The following ADGRL2 variants were observed in gnomAD, a reference collection of about 807,000 sequenced individuals.
The protein encoded by ADGRL2 is calcium-independent alpha-latrotoxin receptor 2.
A neutral mutation model predicts 157.4 loss-of-function variants in ADGRL2; 44 were observed. The ratio of observed to expected loss-of-function variants is 0.28; its 90% CI spans 0.22 to 0.36. The LOEUF (loss-of-function observed/expected upper bound fraction) is 0.36, where lower values mean the gene tolerates loss of function less well. Ranked by LOEUF, ADGRL2 falls within the 10% of genes least tolerant of loss-of-function variation. The pLI is 1.00. For synonymous variants in ADGRL2, 585 were observed against 624.7 expected, an observed-to-expected ratio of 0.94 and a Z score of 0.95; for missense variants, 1,510 against 1,768.9, an observed-to-expected ratio of 0.85 and a Z score of 2.63.
intron 1 of ADGRL2, among the ~76,000 whole-genome samples, chr1:81,706,257 A>T (rs933372316): frequency 2.0e-5 from 3 of 152,114 alleles, no homozygotes; most frequent in African/African-American, 7.2e-5. Context: ...AAAGGGATGG[A>T]AAAGAGGATA....
intron 3 of ADGRL2, among the ~76,000 whole-genome samples, chr1:81,922,569 C>T (rs912375992): frequency 7.9e-5 from 12 of 152,198 alleles, no homozygotes; most frequent in Non-Finnish European, 1.6e-4. Flanking sequence ...TTGATATTCA[C>T]TTGTTAATTT....
intron 1 of ADGRL2, among the ~76,000 whole-genome samples, chr1:81,430,606 C>T (rs2077302210): frequency 6.6e-6 from 1 of 152,156 alleles, no homozygotes; most frequent in African/African-American, 2.4e-5. Context: ...TGTCTTTCCC[C>T]TCTCCCCCAG....
rs1381676137 is a variant in ADGRL2, at chr1:81,524,007, G to A, written c.-247-56869G>A. ...TTGAACCCGGGAGGTGAAGGTTGCA[G>A]TGAGCCAAGATTGCGATATTGCACT... On this transcript the variant is annotated intron_variant, in intron 2 of 24. Coordinates refer to the ADGRL2 transcript ENST00000370721. 2.6e-5 allele frequency among the ~76,000 whole-genome samples: 4 copies of A among 151,984 alleles called. No individual in the cohort carries two copies. The East Asian group carries it at 5.8e-4, about 22-fold the overall frequency.
In ADGRL2 at chr1:81,836,903, C is replaced by A; in HGVS notation, c.-82C>A. The A allele has an allele frequency of 1.3e-6, 1 of 760,584 alleles. No homozygotes were observed. 47.1% of individuals were successfully genotyped at this position (760,584 alleles called of 1,614,324 possible). On this transcript the variant is annotated 5_prime_UTR_variant, in exon 2 of 24. Coordinates refer to ENST00000686636, the MANE Select transcript of ADGRL2 (RefSeq NM_001366006.2). ...TTTTCAGATATGAAGATCAATGATG[C>A]AGACTGATGGTTTTGATGAAGCTGG...
At chr1:81,637,343 G>C (rs182958460) in intron 3 of ADGRL2, among the ~76,000 whole-genome samples, 15 of 152,272 alleles carry the variant, frequency 9.9e-5, no homozygotes, top group Admixed American at 6.5e-4. Flanking sequence ...AATTTCTGAA[G>C]AGAATATTGA....
chr1:81,808,892 C>G (rs1451020719), intron 1 of ADGRL2, among the ~76,000 whole-genome samples: 2 of 152,014 alleles, frequency 1.3e-5, no homozygotes, highest in Admixed American at 1.3e-4. Flanking sequence ...AAGCCACCGG[C>G]TGTTTTTAGG....
chr1:81,433,252 A>G (rs1393612733), intron 1 of ADGRL2, among the ~76,000 whole-genome samples: 4 of 152,130 alleles, frequency 2.6e-5, no homozygotes, highest in Non-Finnish European at 4.4e-5. Context: ...TTTTACTTGA[A>G]TAATTCTCAT....
chr1:81,709,359 A>G (rs1349726259), intron 1 of ADGRL2, among the ~76,000 whole-genome samples: 1 of 152,146 alleles, frequency 6.6e-6, no homozygotes, highest in Admixed American at 6.5e-5. Context: ...AGCCAACTGA[A>G]TGGTGCTCCT....
intron 2 of ADGRL2, among the ~76,000 whole-genome samples, chr1:81,537,440 T>C (rs555826114): frequency 6.0e-5 from 9 of 150,942 alleles, no homozygotes; most frequent in Middle Eastern, 3.5e-3. Context: ...TGCACCACCA[T>C]GCCCTGCTAA....
At chr1:81,536,665 ATTTTG>A (rs991245980) in intron 2 of ADGRL2, among the ~76,000 whole-genome samples, 2 of 151,796 alleles carry the variant, frequency 1.3e-5, no homozygotes, top group South Asian at 4.2e-4. Context: ...TTTGGTGGTT[ATTTTG>A]TTTTGTTTTG....
At chr1:81,771,281 A>G (rs1349655741) in intron 2 of ADGRL2, among the ~76,000 whole-genome samples, 2 of 151,760 alleles carry the variant, frequency 1.3e-5, no homozygotes, top group African/African-American at 4.9e-5. Context: ...TGTTTTCCCT[A>G]CATTGATTTA....
chr1:81,594,506 G>C (rs1461559400), intron 3 of ADGRL2, among the ~76,000 whole-genome samples: 2 of 152,174 alleles, frequency 1.3e-5, no homozygotes, highest in Non-Finnish European at 2.9e-5. Flanking sequence ...ATAAGGAAAA[G>C]TTAAGTTAGT....
intron 1 of ADGRL2, among the ~76,000 whole-genome samples, chr1:81,835,483 T>A (rs1413702024): frequency 6.6e-6 from 1 of 152,174 alleles, no homozygotes; most frequent in Non-Finnish European, 1.5e-5. Context: ...GGTTCACTTT[T>A]GGTTTTGGTT....
At chr1:81,328,948 A>G (rs1191646772) in intron 1 of ADGRL2, among the ~76,000 whole-genome samples, 1 of 146,318 alleles carries the variant, frequency 6.8e-6, no homozygotes, top group Non-Finnish European at 1.5e-5. Flanking sequence ...AGTAAAGGAT[A>G]TTTTACATGA....
intron 1 of ADGRL2, among the ~76,000 whole-genome samples, chr1:81,714,787 G>T (rs1052279680): frequency 6.6e-6 from 1 of 151,638 alleles, no homozygotes; most frequent in African/African-American, 2.4e-5. Context: ...ACTTGAGACA[G>T]TTTTATATAA....
At chr1:81,390,578 T>C (rs2076525372) in intron 1 of ADGRL2, among the ~76,000 whole-genome samples, 1 of 151,848 alleles carries the variant, frequency 6.6e-6, no homozygotes, top group South Asian at 2.1e-4. Flanking sequence ...CCCTCCCTCC[T>C]ATCATTTGTT....
At chr1:81,378,409 T>C (rs2076287935) in intron 1 of ADGRL2, among the ~76,000 whole-genome samples, 1 of 150,260 alleles carries the variant, frequency 6.7e-6, no homozygotes, top group South Asian at 2.1e-4. Flanking sequence ...ATATAAAAAA[T>C]AATTAGCTGG....
chr1:81,784,348 T>G (rs1477845615), intron 2 of ADGRL2, among the ~76,000 whole-genome samples: 1 of 152,234 alleles, frequency 6.6e-6, no homozygotes, highest in Non-Finnish European at 1.5e-5. Context: ...CAGAGCAAAG[T>G]AATCTCAAAT....
intron 2 of ADGRL2, among the ~76,000 whole-genome samples, chr1:81,842,353 CT>C (rs71085377): frequency 0.04 from 2,214 of 54,788 alleles, 50 homozygotes; most frequent in African/African-American, 0.15. Context: ...TCTTTTAGCG[CT>C]TTTTTTTTTT....
Sources: gnomAD v4.1 joint callset for allele counts (sites outside exome capture counted in the v4.1 genomes callset) on GRCh38, gnomAD v4.1.1 for gene constraint, MANE v1.5 for transcripts, NCBI Gene and HGNC (gene_info 2026-07-23, HGNC 2026-07-21) for gene names.